Variants in NRG4 observed in about 807,000 individuals in gnomAD.
NRG4 encodes the protein neuregulin 4, also known as pro-neuregulin-4, membrane-bound isoform.
NRG4 carries 10 observed loss-of-function variants against 15.0 expected under a neutral mutation model. The ratio of observed to expected loss-of-function variants is 0.67; its 90% confidence interval spans 0.41 to 1.13. The LOEUF is 1.13. Among genes scored for constraint, NRG4 ranks in the 50% most tolerant of loss-of-function variants. NRG4 has a pLI of 0.00. For synonymous variants in NRG4, 41 were observed against 50.1 expected, an observed-to-expected ratio of 0.82 and a Z score of 0.77; for missense variants, 139 against 140.2, an observed-to-expected ratio of 0.99 and a Z score of 0.04.
intron 4 of NRG4, among the ~76,000 whole-genome samples, chr15:76,043,780 G>A (rs2035801068): frequency 6.6e-6 from 1 of 152,098 alleles, no homozygotes; most frequent in East Asian, 1.9e-4. Flanking sequence ...AGAAACAGAA[G>A]AAACAATCCT....
At chr15:75,957,074 A>C (rs1201782370) in intron 4 of NRG4, among the ~76,000 whole-genome samples, 1 of 152,170 alleles carries the variant, frequency 6.6e-6, no homozygotes, top group Admixed American at 6.5e-5. Context: ...TTATATATTT[A>C]TCCTCCCCCC....
chr15:75,957,366 G>A (rs954876532), intron 4 of NRG4, among the ~76,000 whole-genome samples: 1 of 152,140 alleles, frequency 6.6e-6, no homozygotes, highest in African/African-American at 2.4e-5. Flanking sequence ...CCTGAGAGAT[G>A]TTTTCACTGC....
chr15:76,006,706 C>T (rs1397846278), intron 3 of NRG4, among the ~76,000 whole-genome samples: 2 of 152,218 alleles, frequency 1.3e-5, no homozygotes, highest in Non-Finnish European at 2.9e-5. Context: ...TAGGAAGAAA[C>T]TATACACATT....
intron 5 of NRG4, 112 bp from the exon 6 acceptor site, chr15:75,943,766 G>GA (rs1486555654): frequency 1.4e-6 from 1 of 701,280 alleles, no homozygotes; most frequent in East Asian, 2.7e-5. Flanking sequence ...AACCCCTTCT[G>GA]TTTGTGATAG....
intron 3 of NRG4, among the ~76,000 whole-genome samples, chr15:75,963,480 C>T (rs1306367062): frequency 1.3e-5 from 2 of 151,724 alleles, no homozygotes; most frequent in African/African-American, 2.4e-5. Context: ...CTTGTCTTTA[C>T]AAAAAATTAA....
At chr15:75,959,480 A>G (rs2032411395) in intron 4 of NRG4, among the ~76,000 whole-genome samples, 1 of 151,526 alleles carries the variant, frequency 6.6e-6, no homozygotes, top group Non-Finnish European at 1.5e-5. Context: ...TATATAAATA[A>G]ATATTATCTA....
chr15:76,055,647 T>C (rs906187217), intron 2 of NRG4, among the ~76,000 whole-genome samples: 4 of 151,742 alleles, frequency 2.6e-5, no homozygotes, highest in Non-Finnish European at 5.9e-5. Context: ...ATGTAGAATA[T>C]ACTGTTTATT....
At chr15:76,055,012 G>A (rs1270017465) in intron 2 of NRG4, among the ~76,000 whole-genome samples, 1 of 141,518 alleles carries the variant, frequency 7.1e-6, no homozygotes, top group Non-Finnish European at 1.6e-5. Flanking sequence ...GGGCACAGTG[G>A]CTCATGCCTA....
intron 5 of NRG4, among the ~76,000 whole-genome samples, chr15:75,944,306 A>G (rs2031308511): frequency 2.5e-5 from 1 of 40,238 alleles, no homozygotes; most frequent in African/African-American, 8.3e-5. Flanking sequence ...AATATTAACC[A>G]TAGTACCTGG....
chr15:76,024,979 A>G lies in NRG4; in HGVS notation c.-57+10965T>C, dbSNP rs2035267184. On this transcript the variant is annotated intron_variant, in intron 5 of 8. Coordinates refer to the NRG4 transcript ENST00000563910. ...TAAGCAAAAACAAACAAAAAACAAC[A>G]AACAACAACAACAAAAACATAGGCA... 2.0e-5 allele frequency among the ~76,000 whole-genome samples: 3 copies of G among 152,188 alleles called. No individual in the cohort carries two copies. The South Asian group carries it at 6.2e-4, about 32-fold the overall frequency.
chr15:76,009,002 C>T (rs940160106), intron 3 of NRG4, among the ~76,000 whole-genome samples, 198 bp downstream of exon 3: 9 of 152,008 alleles, frequency 5.9e-5, no homozygotes, highest in African/African-American at 9.7e-5. Context: ...AGAATAAACA[C>T]CTTGATTAGT....
At chr15:76,022,455 C>CAA (rs2035186978) in intron 5 of NRG4, among the ~76,000 whole-genome samples, 1 of 144,430 alleles carries the variant, frequency 6.9e-6, no homozygotes, top group East Asian at 2.0e-4. Flanking sequence ...CACACACACA[C>CAA]AATGCTTAAC....
At chr15:76,057,835 T>C (rs1169487153) in intron 1 of NRG4, among the ~76,000 whole-genome samples, 3 of 150,190 alleles carry the variant, frequency 2.0e-5, no homozygotes, top group African/African-American at 7.3e-5. Context: ...TAAATATTTA[T>C]AAATATAAAT....
intron 4 of NRG4, among the ~76,000 whole-genome samples, chr15:76,047,909 T>G (rs975670241): frequency 6.6e-6 from 1 of 150,992 alleles, no homozygotes; most frequent in African/African-American, 2.5e-5. Context: ...CAATCCCAGC[T>G]ACTTGGGAGG....
At chr15:75,952,467 A>G (rs971125816) in intron 5 of NRG4, among the ~76,000 whole-genome samples, 1 of 152,174 alleles carries the variant, frequency 6.6e-6, no homozygotes, top group African/African-American at 2.4e-5. Flanking sequence ...AACACATTTT[A>G]TATATCCATT....
chr15:75,943,549 G>T lies in NRG4; in HGVS notation c.*89C>A. On this transcript the variant is annotated 3_prime_UTR_variant, in exon 6 of 6. Coordinates refer to ENST00000394907, the MANE Select transcript of NRG4 (RefSeq NM_138573.4). ...CAAGCGTTTTATTTAAGAAATAAAG[G>T]ATTAGATTTTTAATTCTTTTACCTA... The T allele has an allele frequency of 3.7e-6, 3 of 804,402 alleles. No individual in the cohort carries two copies. Among genetic ancestry groups the T allele is most frequent in the Non-Finnish European group, 6.4e-6 (3 of 470,190 alleles). 49.8% of individuals were successfully genotyped at this position (804,402 alleles called of 1,614,324 possible).
At chr15:75,987,468 G>A (rs974979057) in intron 3 of NRG4, among the ~76,000 whole-genome samples, 5 of 152,084 alleles carry the variant, frequency 3.3e-5, no homozygotes, top group African/African-American at 9.7e-5. Flanking sequence ...ATGGTATTAT[G>A]AAGAGGGGCC....
chr15:75,965,145 A>G (rs1017311806), intron 3 of NRG4, among the ~76,000 whole-genome samples: 2 of 151,968 alleles, frequency 1.3e-5, no homozygotes, highest in Non-Finnish European at 2.9e-5. Context: ...GAATGGCGTG[A>G]ACCCGGGAGG....
chr15:76,032,790 A>T (rs995447402), intron 5 of NRG4, among the ~76,000 whole-genome samples: 2 of 152,220 alleles, frequency 1.3e-5, no homozygotes, highest in Middle Eastern at 3.2e-3. Flanking sequence ...GGAACAAAAA[A>T]TTTTCTGAAA....
Sources: allele counts gnomAD v4.1 joint callset (sites outside exome capture counted in the v4.1 genomes callset), GRCh38; gene constraint gnomAD v4.1.1; transcripts MANE v1.5; gene names NCBI Gene and HGNC (gene_info 2026-07-23, HGNC 2026-07-21).